SPSB1: variants seen among roughly 807,000 people sequenced by gnomAD.
SPSB1 encodes splA/ryanodine receptor domain and SOCS box containing 1.
Under a neutral mutation model 21.2 loss-of-function variants are expected in SPSB1, and 8 were observed. That is an observed-to-expected ratio of 0.38 (90% CI 0.22 to 0.68). The LOEUF (loss-of-function observed/expected upper bound fraction) is 0.68. Among genes scored for constraint, SPSB1 ranks in the 30% least tolerant of loss-of-function variants. SPSB1 has a pLI of 0.53. For synonymous variants in SPSB1, 169 were observed against 161.7 expected (o/e 1.05, Z -0.34); for missense variants, 242 against 377.8 (o/e 0.64, Z 2.98).
chr1:9,348,226 T>G lies in SPSB1; in HGVS notation c.-149-7517T>G, dbSNP rs10159126. On this transcript the variant is annotated intron_variant, in intron 1 of 2. Transcript: ENST00000328089. This position sits in a 1 kb window ranked among gnomAD's most constrained non-coding sequence, Gnocchi z 4.8. Reference sequence around the variant, plus strand: ...TCTCAAAGTGCTGGGATTACAGGCGTGAGCCACCGCGGCAACTTTTTTTAA... The same window carrying G: ...TCTCAAAGTGCTGGGATTACAGGCGGGAGCCACCGCGGCAACTTTTTTTAA... Among the ~76,000 whole-genome samples, 102,731 of 151,602 alleles carry G rather than the reference T, an allele frequency of 0.68. 35,419 individuals carry two copies. Among genetic ancestry groups the G allele is most frequent in the African/African-American group, 0.79 (32,851 of 41,330 alleles).
In SPSB1 at chr1:9,324,188, G is replaced by A. The variant is rs534364720; in HGVS notation, c.-150+31117G>A. Among the ~76,000 whole-genome samples the A allele has an allele frequency of 5.3e-5, 8 of 152,248 alleles. No homozygotes were observed. In the South Asian group the frequency reaches 1.0e-3, roughly 20 times the overall value. The stretch of plus-strand genomic sequence containing the variant: ...AGATAATCACTGGTTTTTCTCATCC[G>A]GCAAGTGGACACCTCTGACGCAGCT... On this transcript the variant is annotated intron_variant, in intron 1 of 2. Coordinates refer to ENST00000328089, the MANE Select transcript of SPSB1 (RefSeq NM_025106.4). This position sits in a 1 kb window ranked among gnomAD's most constrained non-coding sequence, Gnocchi z 4.3.
At position 9,293,249 on chromosome 1, in the gene SPSB1, C is replaced by G. The variant is rs1413880646; in HGVS notation, c.-150+178C>G. ...ACGGGATGGGGACTCGGGGCGCGGC[C>G]CCTCCCGCGGTGGCTCCGGGGGCGC... On this transcript the variant is annotated intron_variant, in intron 1 of 2. Transcript: ENST00000328089. This position sits in a 1 kb window ranked among gnomAD's most constrained non-coding sequence, Gnocchi z 5.1. Among the ~76,000 whole-genome samples, 1 of 148,792 alleles carries G rather than the reference C, an allele frequency of 6.7e-6. No individual in the cohort carries two copies. Among genetic ancestry groups the G allele is most frequent in the Non-Finnish European group, 1.5e-5 (1 of 66,694 alleles).
intron 1 of SPSB1, among the ~76,000 whole-genome samples, chr1:9,301,933 C>T (rs1460188379): frequency 6.6e-6 from 1 of 152,198 alleles, no homozygotes; most frequent in African/African-American, 2.4e-5. Context: ...GATACAGATT[C>T]GTCTTCCCTG....
chr1:9,357,744 G>A (rs1247583243), intron 2 of SPSB1, among the ~76,000 whole-genome samples: 2 of 152,210 alleles, frequency 1.3e-5, no homozygotes, highest in East Asian at 1.9e-4. Context: ...ATGTGTAGGG[G>A]CACCGTGCTG....
At chr1:9,306,918 T>TA (rs1639421467) in intron 1 of SPSB1, among the ~76,000 whole-genome samples, 1 of 75,472 alleles carries the variant, frequency 1.3e-5, no homozygotes, top group Non-Finnish European at 2.4e-5. Context: ...CTTTTACTTT[T>TA]CTTCTTTTCT....
intron 1 of SPSB1, among the ~76,000 whole-genome samples, chr1:9,326,020 T>TGTGGC (rs1269900903): frequency 6.6e-6 from 1 of 150,542 alleles, no homozygotes; most frequent in Non-Finnish European, 1.5e-5. Flanking sequence ...CCAGGAGGAG[T>TGTGGC]GTGGGCTCCA....
chr1:9,367,645 C>T lies in SPSB1; in HGVS notation c.*70C>T, dbSNP rs992900547. ...TCACTGAGCCGCCTGCCGCTGGGGC[C>T]GCCGCACCCTGCACCTTGGACCGGC... On this transcript the variant is annotated 3_prime_UTR_variant, in exon 3 of 3. Coordinates refer to ENST00000328089, the MANE Select transcript of SPSB1 (RefSeq NM_025106.4). This position sits in a 1 kb window ranked among gnomAD's most constrained non-coding sequence, Gnocchi z 5.9. 8 of 1,514,606 alleles carry T rather than the reference C, an allele frequency of 5.3e-6. No homozygotes were observed. The highest frequency in any genetic ancestry group is 4.1e-5 in the African/African-American group (3 of 72,592). The allele number at this position is 1,514,606 out of a possible 1,614,324, so 93.8% of individuals were successfully genotyped here.
intron 1 of SPSB1, among the ~76,000 whole-genome samples, chr1:9,301,288 C>T (rs1311594667): frequency 2.0e-5 from 3 of 152,040 alleles, no homozygotes; most frequent in Non-Finnish European, 4.4e-5. Flanking sequence ...CCAAGGAGTT[C>T]GAGACCAGCC....
intron 1 of SPSB1, among the ~76,000 whole-genome samples, chr1:9,335,384 C>A (rs766526215): frequency 6.6e-6 from 1 of 152,104 alleles, no homozygotes; most frequent in Non-Finnish European, 1.5e-5. Context: ...CACCTGTAAT[C>A]CCAGTTACTC....
chr1:9,313,156 G>T (rs747602337), intron 1 of SPSB1, among the ~76,000 whole-genome samples: 1 of 152,206 alleles, frequency 6.6e-6, no homozygotes, highest in Non-Finnish European at 1.5e-5. Context: ...CAGCACTTTG[G>T]GAGGCTGAGG....
intron 1 of SPSB1, among the ~76,000 whole-genome samples, chr1:9,323,268 G>A (rs149449237): frequency 0.012 from 1,792 of 152,320 alleles, 17 homozygotes; most frequent in African/African-American, 0.018. Flanking sequence ...TCTAGTTCCC[G>A]CCGAGCCGAG....
intron 1 of SPSB1, among the ~76,000 whole-genome samples, chr1:9,314,163 G>A (rs1200808224): frequency 5.6e-5 from 8 of 142,266 alleles, no homozygotes; most frequent in African/African-American, 1.5e-4. Flanking sequence ...GCAACAGATT[G>A]AGACTCTATC....
At chr1:9,340,869 A>G (rs1019586856) in intron 1 of SPSB1, among the ~76,000 whole-genome samples, 2 of 152,212 alleles carry the variant, frequency 1.3e-5, no homozygotes, top group African/African-American at 2.4e-5. Flanking sequence ...TGAAACGCAC[A>G]TTTGTAGTCC....
At chr1:9,354,426 A>AGG (rs1171041801) in intron 1 of SPSB1, among the ~76,000 whole-genome samples, 1 of 152,006 alleles carries the variant, frequency 6.6e-6, no homozygotes, top group Non-Finnish European at 1.5e-5. Context: ...ACCCCAAACC[A>AGG]GGCTGCCCTC....
At chr1:9,331,485 C>G (rs2100492879) in intron 1 of SPSB1, among the ~76,000 whole-genome samples, 1 of 152,040 alleles carries the variant, frequency 6.6e-6, no homozygotes, top group African/African-American at 2.4e-5. Context: ...CATGCGCCAC[C>G]ATGCCCGACT....
chr1:9,367,212 A>G lies in SPSB1; in HGVS notation c.695-236A>G, dbSNP rs1640589293. 3.3e-5 allele frequency among the ~76,000 whole-genome samples: 5 copies of G among 152,232 alleles called. No homozygotes were observed. Among genetic ancestry groups the G allele is most frequent in the Admixed American group, 2.6e-4 (4 of 15,290 alleles). ...ACTATTAAGTCATTCATAAGAAACC[A>G]CTGTGAGGATTAAATGAGTGTTAGC... On this transcript the variant is annotated intron_variant, in intron 2 of 2. Coordinates refer to ENST00000328089, the MANE Select transcript of SPSB1 (RefSeq NM_025106.4). The surrounding 1 kb of genome is among the most constrained non-coding windows in gnomAD (Gnocchi z 5.9).
intron 1 of SPSB1, among the ~76,000 whole-genome samples, chr1:9,309,261 GGAGA>G (rs139194880): frequency 4.0e-4 from 59 of 147,230 alleles, no homozygotes; most frequent in African/African-American, 8.7e-4. Context: ...GCTCCCCTGC[GGAGA>G]GAGAGAGAGA....
rs1639144020 is a variant in SPSB1, at chr1:9,292,965, CGGG to C, written c.-254_-252del. 1 of 982,110 alleles carries C rather than the reference CGGG, an allele frequency of 1.0e-6. No individual in the cohort carries two copies. The highest frequency in any genetic ancestry group is 4.7e-5 in the South Asian group (1 of 21,446). The allele number at this position is 982,110 out of a possible 1,614,324, so 60.8% of individuals were successfully genotyped here. A position where few individuals can be genotyped will look rare whatever the true frequency, so the allele number is the denominator to read the frequency against. On this transcript the variant is annotated 5_prime_UTR_variant, in exon 1 of 3. Coordinates refer to ENST00000328089, the MANE Select transcript of SPSB1 (RefSeq NM_025106.4). ...AGGCTCCAGGCGCCGGCGCCGGGGC[CGGG>C]GCCGCGGGGAGGAGGCGACTTCGCT... is the stretch of plus-strand genomic sequence containing the variant.
intron 2 of SPSB1, among the ~76,000 whole-genome samples, chr1:9,365,272 C>T (rs1042955537): frequency 5.9e-5 from 9 of 152,168 alleles, no homozygotes; most frequent in African/African-American, 2.2e-4. Flanking sequence ...CTCAGTCTCC[C>T]AAGTCCTGGC....
Sources: gnomAD v4.1 joint callset for allele counts (sites outside exome capture counted in the v4.1 genomes callset) on GRCh38, gnomAD v4.1.1 for gene constraint, Gnocchi (gnomAD v3.1) non-coding constraint, MANE v1.5 for transcripts, NCBI Gene and HGNC (gene_info 2026-07-23, HGNC 2026-07-21) for gene names.